The following ADGRF1 variants were observed in gnomAD, a reference collection of about 807,000 sequenced individuals.
The protein encoded by ADGRF1 is adhesion G protein-coupled receptor F1, also known as G protein-coupled receptor 110.
In ADGRF1, 85 loss-of-function variants were observed where a neutral mutation model predicts 87.2. The observed-to-expected ratio is 0.97, with a 90% CI of 0.82 to 1.17. ADGRF1 has a LOEUF of 1.17. ADGRF1 is among the 50% of genes most tolerant of loss of function. The pLI is 0.00. For synonymous variants in ADGRF1, 430 were observed against 408.8 expected, an observed-to-expected ratio of 1.05 and a Z score of -0.63; for missense variants, 1,169 against 1,077.2, an observed-to-expected ratio of 1.09 and a Z score of -1.19.
chr6:47,007,202 G>C, intron 12 of ADGRF1, 51 bp downstream of exon 12: 1 of 1,084,608 alleles, frequency 9.2e-7, no homozygotes, highest in Non-Finnish European at 1.4e-6. Context: ...AAAGGGGAGG[G>C]GGCCTAAGAT....
At chr6:47,041,721 G>C (rs1780747074) in intron 1 of ADGRF1, among the ~76,000 whole-genome samples, 2 of 152,100 alleles carry the variant, frequency 1.3e-5, no homozygotes, top group African/African-American at 4.8e-5. Flanking sequence ...TCCAGGCAAA[G>C]CTTAAACTAA....
chr6:47,027,432 A>G (rs1780268973), intron 3 of ADGRF1, among the ~76,000 whole-genome samples: 1 of 152,236 alleles, frequency 6.6e-6, no homozygotes, highest in Non-Finnish European at 1.5e-5. Context: ...GGCTATGGCC[A>G]TTAATTACAT....
chr6:47,031,184 C>G (rs997034865), intron 1 of ADGRF1, among the ~76,000 whole-genome samples: 2 of 152,068 alleles, frequency 1.3e-5, no homozygotes, highest in Non-Finnish European at 2.9e-5. Flanking sequence ...CAGAGTGATC[C>G]GTTCTGCCTC....
chr6:47,011,647 T>C (rs972088102), intron 10 of ADGRF1, among the ~76,000 whole-genome samples: 1 of 152,260 alleles, frequency 6.6e-6, no homozygotes, highest in Non-Finnish European at 1.5e-5. Flanking sequence ...GAAGGTGTTA[T>C]GAAGGGAGTT....
rs1267541695 is a variant in ADGRF1 at position 47,008,983 on chromosome 6, C to A, written c.2452G>T (p.Ala818Ser). The A allele has an allele frequency of 6.2e-7, 1 of 1,608,384 alleles. No individual in the cohort carries two copies. ...AGTAAAGCAAAAATAACATGCCAAG[C>A]CAGATTCTGGCTGTCCACTATTGTT... ...IGTIVDSQNL[A>S]WHVIFALLNA... The change falls in exon 11 of 15, where the codon GCT becomes TCT. Residue 818 changes from alanine to serine, a missense_variant. Ala to Ser is a moderately conservative substitution (Grantham distance 99). Transcript: ENST00000371253.
intron 7 of ADGRF1, chr6:47,019,113 T>A (rs1046686044): frequency 1.3e-5 from 3 of 233,928 alleles, no homozygotes; most frequent in African/African-American, 2.3e-5. Context: ...AAGTTGTAGT[T>A]TATAGACTTG....
intron 1 of ADGRF1, 101 bp downstream of exon 1, chr6:47,042,090 A>T (rs553391784): frequency 3.3e-5 from 5 of 151,848 alleles, no homozygotes; most frequent in African/African-American, 1.2e-4. Flanking sequence ...TGAAATCAGA[A>T]TTTTTTTTTC....
In ADGRF1 at chr6:47,005,879, A is replaced by G. The variant is rs765646784; in HGVS notation, c.2533-3T>C. Reference sequence around the variant, plus strand: ...TTGTTGAACAGAAGTTGTCGCAGCTATAAGGGCAACAAAGAAATATTGAGG... The same window carrying G: ...TTGTTGAACAGAAGTTGTCGCAGCTGTAAGGGCAACAAAGAAATATTGAGG... On this transcript the variant is annotated splice_polypyrimidine_tract_variant and splice_region_variant and intron_variant, in intron 12 of 14. Transcript: ENST00000371253. 3.7e-6 allele frequency: 6 copies of G among 1,608,914 alleles called. No homozygotes were observed. Among genetic ancestry groups the G allele is most frequent in the Non-Finnish European group, 5.1e-6 (6 of 1,176,602 alleles).
intron 13 of ADGRF1, chr6:47,001,925 A>G (rs1779375466): frequency 4.8e-6 from 1 of 209,408 alleles, no homozygotes; most frequent in African/African-American, 2.4e-5. Flanking sequence ...TGGAGGAAAA[A>G]CAGTGCTCTG....
chr6:47,001,625 T>A, intron 13 of ADGRF1, 58 bp from the exon 14 acceptor site: 1 of 1,335,018 alleles, frequency 7.5e-7, no homozygotes, highest in South Asian at 1.2e-5. Context: ...ACTGTTGGTC[T>A]GCATTTCCTG....
intron 5 of ADGRF1, among the ~76,000 whole-genome samples, chr6:47,023,571 T>A (rs1052786051): frequency 6.6e-5 from 10 of 152,222 alleles, no homozygotes; most frequent in African/African-American, 2.4e-4. Context: ...TTGTTCTGTT[T>A]TAACAAGGCA....
chr6:47,029,985 T>C (rs1780361699), intron 1 of ADGRF1, among the ~76,000 whole-genome samples: 2 of 152,230 alleles, frequency 1.3e-5, no homozygotes, highest in Non-Finnish European at 2.9e-5. Context: ...CAGGAGAAGA[T>C]GAGAAAGTTT....
At chr6:47,013,409 T>G (rs1779766670) in intron 9 of ADGRF1, 6 of 985,408 alleles carry the variant, frequency 6.1e-6, no homozygotes, top group Non-Finnish European at 7.2e-6. Context: ...GAAGTAAACA[T>G]TCCACAGTCC....
At chr6:47,005,189 A>G (rs953337574) in intron 13 of ADGRF1, among the ~76,000 whole-genome samples, 3 of 152,226 alleles carry the variant, frequency 2.0e-5, no homozygotes, top group Non-Finnish European at 4.4e-5. Flanking sequence ...TATGTGTTCA[A>G]GCACTTTTGT....
intron 3 of ADGRF1, 119 bp from the exon 4 acceptor site, chr6:47,026,122 C>A (rs1447798016): frequency 1.3e-6 from 1 of 799,862 alleles, no homozygotes; most frequent in East Asian, 2.5e-5. Flanking sequence ...GCTGCTTGTT[C>A]CTGAGTTCCT....
At chr6:47,013,940 G>T (rs981384714) in intron 9 of ADGRF1, 1 of 148,242 alleles carries the variant, frequency 6.7e-6, no homozygotes, top group Non-Finnish European at 1.5e-5. Context: ...CTTCCCTTTC[G>T]CCTCCCACCA....
At chr6:47,028,031 G>T (rs1050777482) in intron 2 of ADGRF1, among the ~76,000 whole-genome samples, 1 of 152,172 alleles carries the variant, frequency 6.6e-6, no homozygotes, top group Non-Finnish European at 1.5e-5. Context: ...GGGTCAGAGG[G>T]TCTCTGGGGA....
intron 4 of ADGRF1, 74 bp downstream of exon 4, chr6:47,025,780 G>C: frequency 5.3e-6 from 7 of 1,327,884 alleles, no homozygotes; most frequent in Non-Finnish European, 7.2e-6. Context: ...TGTTTCCACA[G>C]CATAACCCAA....
chr6:47,040,451 G>T (rs958816737), intron 1 of ADGRF1, among the ~76,000 whole-genome samples: 1 of 151,874 alleles, frequency 6.6e-6, no homozygotes, highest in East Asian at 1.9e-4. Flanking sequence ...CAGCCTGGGC[G>T]ACAGAGTGAG....
Sources: allele counts gnomAD v4.1 joint callset (sites outside exome capture counted in the v4.1 genomes callset), GRCh38; gene constraint gnomAD v4.1.1; transcripts MANE v1.5; gene names NCBI Gene and HGNC (gene_info 2026-07-23, HGNC 2026-07-21).